DHX32: variants seen among roughly 807,000 people sequenced by gnomAD.
DHX32 encodes the protein DEAH-box helicase 32 (putative), also known as putative pre-mRNA-splicing factor ATP-dependent RNA helicase DHX32.
DHX32 carries 51 observed loss-of-function variants against 70.0 expected under a neutral mutation model. The ratio of observed to expected loss-of-function variants is 0.73; its 90% confidence interval spans 0.58 to 0.92. The LOEUF (loss-of-function observed/expected upper bound fraction) is 0.92. Among genes scored for constraint, DHX32 ranks in the 40% least tolerant of loss-of-function variants. DHX32 has a pLI of 0.00. For missense variants in DHX32, 762 were observed against 891.8 expected (o/e 0.85, Z 1.85); for synonymous variants, 310 against 315.3 (o/e 0.98, Z 0.18).
chr10:125,839,010 G>A lies in DHX32; in HGVS notation c.1872C>T (p.Tyr624=). ...CCCCACCCCTTCTCACCTGCATAAA[G>A]TAACCGGACAGAAGAGCTTTCTTTA... ...LNIKKALLSG[Y]FMQIARDVDG... is the part of the protein sequence containing the mutation. The change falls in exon 9 of 11, where the codon TAC becomes TAT. Residue 624 remains tyrosine (Y), a synonymous_variant. Coordinates refer to ENST00000284690, the MANE Select transcript of DHX32 (RefSeq NM_018180.3). 1.2e-6 allele frequency: 2 copies of A among 1,613,876 alleles called. No individual in the cohort carries two copies. The highest frequency in any genetic ancestry group is 2.2e-5 in the South Asian group (2 of 91,056).
chr10:125,860,222 C>T (rs1318791825), intron 2 of DHX32, among the ~76,000 whole-genome samples: 11 of 152,012 alleles, frequency 7.2e-5, no homozygotes, highest in Admixed American at 7.2e-4. Flanking sequence ...CATTCTGAAC[C>T]CTAAGTTAAA....
intron 6 of DHX32, among the ~76,000 whole-genome samples, chr10:125,847,025 G>C (rs1241111925): frequency 1.3e-5 from 2 of 152,208 alleles, no homozygotes; most frequent in Non-Finnish European, 2.9e-5. Context: ...GGCTGAAGGA[G>C]CAAATGAAGT....
chr10:125,885,372 T>C (rs573850620), upstream of DHX32, among the ~76,000 whole-genome samples: 27 of 152,204 alleles, frequency 1.8e-4, no homozygotes, highest in Admixed American at 1.2e-3. Flanking sequence ...AACCTTGAGA[T>C]TGGAAGATTA....
At chr10:125,890,613 T>A (rs1196088390) in intron 1 of DHX32, 1 of 152,470 alleles carries the variant, frequency 6.6e-6, no homozygotes, top group Admixed American at 6.5e-5. Context: ...ATTGGTTGAA[T>A]ATACAATATT....
chr10:125,848,419 C>G (rs778173737), intron 6 of DHX32, among the ~76,000 whole-genome samples: 1 of 152,202 alleles, frequency 6.6e-6, no homozygotes, highest in African/African-American at 2.4e-5. Context: ...AGACACTCTA[C>G]CCTAATTTTA....
rs372752900 is a variant in DHX32, at chr10:125,848,529, G to A, written c.1351+3764C>T. On this transcript the variant is annotated intron_variant, in intron 6 of 10. Coordinates refer to ENST00000284690, the MANE Select transcript of DHX32 (RefSeq NM_018180.3). ...TTTGAACTTGGGCCTTCCACCGGCA[G>A]TGTTGAACCTGGCACCTGGCATGCT... Among the ~76,000 whole-genome samples, 103 of 152,322 alleles carry A rather than the reference G, an allele frequency of 6.8e-4. No homozygotes were observed. The South Asian group carries it at 0.02, about 30-fold the overall frequency.
intron 6 of DHX32, chr10:125,842,177 G>T: frequency 2.1e-6 from 1 of 471,232 alleles, no homozygotes; most frequent in Non-Finnish European, 3.5e-6. Context: ...CAGTGTGCAT[G>T]CGGGGGGAAC....
chr10:125,843,389 TC>T (rs1854933786), intron 6 of DHX32, among the ~76,000 whole-genome samples: 1 of 152,014 alleles, frequency 6.6e-6, no homozygotes, highest in Non-Finnish European at 1.5e-5. Flanking sequence ...GGCGGGAGGA[TC>T]ACCAGGTCAG....
At chr10:125,887,700 C>T (rs1420186293) in intron 1 of DHX32, among the ~76,000 whole-genome samples, 2 of 151,952 alleles carry the variant, frequency 1.3e-5, no homozygotes, top group Admixed American at 6.6e-5. Flanking sequence ...TATTCAACTC[C>T]TGGGCTCAAG....
intron 6 of DHX32, among the ~76,000 whole-genome samples, chr10:125,850,164 A>T (rs140059437): frequency 2.7e-4 from 40 of 148,494 alleles, no homozygotes; most frequent in African/African-American, 9.4e-4. Context: ...ATTTGTAGAG[A>T]TGGGGTCTTG....
rs371721938 is a variant in DHX32 at position 125,867,129 on chromosome 10, C to T, written c.337G>A (p.Val113Met). ...TGCTTGTGGACCTGTGTGCATATCA[C>T]GCCCCCGTGCTGGTAGTGGATGGAA... ...CLSIHYQHGGVICTQVHKQTV... is the reference protein window; with the variant it reads ...CLSIHYQHGGMICTQVHKQTV... The change falls in exon 2 of 11, where the codon GTG (valine) becomes ATG (methionine). Residue 113 changes from valine (V) to methionine (M), a missense_variant. Physicochemically the swap from Val to Met is conservative, Grantham distance 21. Around this residue, in one of 3 missense-constraint regions of DHX32, gnomAD observed 394 missense variants for 473.1 expected, o/e 0.83. Coordinates refer to ENST00000284690, the MANE Select transcript of DHX32 (RefSeq NM_018180.3). 24 of 1,614,172 alleles carry T rather than the reference C, an allele frequency of 1.5e-5. No individual in the cohort carries two copies. The highest frequency in any genetic ancestry group is 6.7e-5 in the Admixed American group (4 of 60,024).
chr10:125,863,712 G>A (rs1052495949), intron 2 of DHX32, among the ~76,000 whole-genome samples: 1 of 152,142 alleles, frequency 6.6e-6, no homozygotes, highest in African/African-American at 2.4e-5. Context: ...GCTTCCCAAA[G>A]TGCTGGGATT....
intron 1 of DHX32, among the ~76,000 whole-genome samples, chr10:125,895,611 C>T (rs1349904011): frequency 1.3e-5 from 2 of 152,282 alleles, no homozygotes; most frequent in African/African-American, 4.8e-5. Flanking sequence ...TGTTTTAAAA[C>T]CAGTATGAAA....
intron 1 of DHX32, chr10:125,869,248 G>C (rs1377561158): frequency 2.6e-5 from 4 of 152,086 alleles, no homozygotes; most frequent in Non-Finnish European, 5.9e-5. Context: ...CATCATTCAT[G>C]TGAAAAGCTA....
intron 3 of DHX32, among the ~76,000 whole-genome samples, chr10:125,858,904 T>A (rs879093242): frequency 6.6e-6 from 1 of 151,578 alleles, no homozygotes; most frequent in Non-Finnish European, 1.5e-5. Flanking sequence ...AAAAAAAAAA[T>A]GCAACCCCAA....
At chr10:125,887,969 A>G (rs1167756466) in intron 1 of DHX32, among the ~76,000 whole-genome samples, 5 of 152,196 alleles carry the variant, frequency 3.3e-5, no homozygotes. Context: ...TAAAAATGAA[A>G]TAACACTTCT....
At chr10:125,849,332 G>C (rs758876022) in intron 6 of DHX32, among the ~76,000 whole-genome samples, 2 of 152,148 alleles carry the variant, frequency 1.3e-5, no homozygotes, top group Non-Finnish European at 2.9e-5. Context: ...AGGGCTTCAG[G>C]AGCCAAAAGT....
chr10:125,845,539 G>C (rs1223814832), intron 6 of DHX32, among the ~76,000 whole-genome samples: 1 of 152,114 alleles, frequency 6.6e-6, no homozygotes, highest in Non-Finnish European at 1.5e-5. Context: ...ATAGGGCAGG[G>C]GGTCTCCTGG....
At chr10:125,874,161 C>T (rs897212652) in intron 1 of DHX32, among the ~76,000 whole-genome samples, 1 of 152,130 alleles carries the variant, frequency 6.6e-6, no homozygotes, top group Non-Finnish European at 1.5e-5. Flanking sequence ...ATCTTTAGGA[C>T]CTTTGTAAAG....
Sources: allele counts gnomAD v4.1 joint callset (sites outside exome capture counted in the v4.1 genomes callset), GRCh38; gene constraint gnomAD v4.1.1; regional missense constraint gnomAD v4.1.1; transcripts MANE v1.5; gene names NCBI Gene and HGNC (gene_info 2026-07-23, HGNC 2026-07-21).